Variants in ZNF600 observed in about 807,000 individuals in gnomAD.
ZNF600 encodes zinc finger protein 600, also known as zinc finger protein KR-ZNF1.
In ZNF600, 4 loss-of-function variants were observed where a neutral mutation model predicts 7.3. That is an observed-to-expected ratio of 0.55 (90% confidence interval 0.27 to 1.25). The LOEUF (loss-of-function observed/expected upper bound fraction) is 1.25, where lower values mean the gene tolerates loss of function less well. ZNF600 is among the 50% of genes most tolerant of loss of function. ZNF600 has a pLI of 0.12. For synonymous variants in ZNF600, 290 were observed against 308.9 expected, an observed-to-expected ratio of 0.94 and a Z score of 0.64; for missense variants, 911 against 922.1, an observed-to-expected ratio of 0.99 and a Z score of 0.16.
chr19:52,779,618 C>A (rs13346826), intron 1 of ZNF600, among the ~76,000 whole-genome samples: 5,135 of 152,286 alleles, frequency 0.034, 171 homozygotes, highest in African/African-American at 0.083. Flanking sequence ...CGAGCCCCAA[C>A]TCACTAAGCA....
chr19:52,816,071 T>C, the ZNF600 span, among the ~76,000 whole-genome samples: 1 of 146,898 alleles, frequency 6.8e-6, no homozygotes, highest in Non-Finnish European at 1.5e-5. Context: ...GAACTGACAA[T>C]AGTGGCTCGC....
chr19:52,801,069 G>A, the ZNF600 span: 1 of 1,614,124 alleles, frequency 6.2e-7, no homozygotes, highest in Non-Finnish European at 8.5e-7. Flanking sequence ...ACGATGGCAT[G>A]CAAGGTATCG....
chr19:52,810,878 CCCCTCCCCCTCCCCCTCCCCCT>C, the ZNF600 span, among the ~76,000 whole-genome samples: 939 of 18,542 alleles, frequency 0.051, 96 homozygotes, highest in African/African-American at 0.19. Context: ...CCTCCCCCTC[CCCCTCCCCCTCCCCCTCCCCCT>C]CCCTCTCCCT....
chr19:52,771,767 C>G (rs1200958494), intron 3 of ZNF600, among the ~76,000 whole-genome samples: 1 of 152,108 alleles, frequency 6.6e-6, no homozygotes, highest in Non-Finnish European at 1.5e-5. Context: ...CGTGAGCCAT[C>G]ACGCCCGTCC....
chr19:52,812,427 A>C, the ZNF600 span, among the ~76,000 whole-genome samples: 1 of 129,566 alleles, frequency 7.7e-6, no homozygotes, highest in Non-Finnish European at 1.6e-5. Context: ...ACTAAGAAAA[A>C]TACTTCTGCC....
chr19:52,810,624 A>T, the ZNF600 span: 6 of 1,432,576 alleles, frequency 4.2e-6, no homozygotes, highest in Non-Finnish European at 5.9e-6. Context: ...CCTGCTCTCC[A>T]TTCTACAGTG....
chr19:52,817,945 T>C, the ZNF600 span: 1 of 1,610,842 alleles, frequency 6.2e-7, no homozygotes, highest in Non-Finnish European at 8.5e-7. Flanking sequence ...CCATCTCACC[T>C]GAGGAAGAGC....
intron 1 of ZNF600, chr19:52,780,801 T>G (rs2062714405): frequency 6.6e-6 from 1 of 152,234 alleles, no homozygotes; most frequent in Non-Finnish European, 1.5e-5. Context: ...CATCTAAGTT[T>G]CTCTTTATAT....
chr19:52,801,085 G>C, the ZNF600 span: 3 of 1,614,028 alleles, frequency 1.9e-6, no homozygotes, highest in Non-Finnish European at 2.5e-6. Context: ...TATCGCTTCT[G>C]ATTAAATACC....
At chr19:52,794,444 G>A in the ZNF600 span, among the ~76,000 whole-genome samples, 1 of 152,238 alleles carries the variant, frequency 6.6e-6, no homozygotes, top group Non-Finnish European at 1.5e-5. Context: ...TTACGAGCAG[G>A]AGACACTTCA....
intron 1 of ZNF600, among the ~76,000 whole-genome samples, chr19:52,779,863 A>G (rs1041648448): frequency 2.0e-5 from 3 of 152,122 alleles, no homozygotes; most frequent in Non-Finnish European, 2.9e-5. Flanking sequence ...AACATGGTGA[A>G]ACCACATGTC....
At chr19:52,784,075 CA>C (rs372098238) in intron 1 of ZNF600, among the ~76,000 whole-genome samples, 20,135 of 150,976 alleles carry the variant, frequency 0.13, 1,538 homozygotes, top group Admixed American at 0.23. Context: ...AACTCCACCT[CA>C]AAAAAAAATA....
exon 4 of ZNF600, chr19:52,766,220 G>A: frequency 6.2e-7 from 1 of 1,613,446 alleles, no homozygotes; most frequent in Non-Finnish European, 8.5e-7. Flanking sequence ...GGCTTGCAAG[G>A]TATGACCTCA....
chr19:52,784,116 T>C (rs963039657), intron 1 of ZNF600, among the ~76,000 whole-genome samples: 3 of 152,106 alleles, frequency 2.0e-5, no homozygotes, highest in Non-Finnish European at 2.9e-5. Flanking sequence ...AGGCCCGGCA[T>C]GGCGGCTCAT....
At chr19:52,775,221 C>G (rs193218453) in intron 2 of ZNF600, among the ~76,000 whole-genome samples, 7 of 148,186 alleles carry the variant, frequency 4.7e-5, no homozygotes, top group African/African-American at 1.5e-4. Flanking sequence ...TCCTGGGCAA[C>G]AGACTGACAC....
the ZNF600 span, among the ~76,000 whole-genome samples, chr19:52,832,042 C>T: frequency 1.3e-5 from 2 of 149,904 alleles, no homozygotes; most frequent in African/African-American, 4.9e-5. Context: ...CTACATAAAC[C>T]ATGGGCTTAT....
chr19:52,804,454 T>TC, the ZNF600 span, among the ~76,000 whole-genome samples: 1 of 152,098 alleles, frequency 6.6e-6, no homozygotes, highest in African/African-American at 2.4e-5. Context: ...CACTGCAACC[T>TC]CCACCTCCTG....
At chr19:52,766,568 C>G (rs764707988) in exon 4 of ZNF600, 1 of 1,614,028 alleles carries the variant, frequency 6.2e-7, no homozygotes, top group Non-Finnish European at 8.5e-7. Context: ...GTGAATTCCA[C>G]GCAAAAGCCT....
the ZNF600 span, among the ~76,000 whole-genome samples, chr19:52,793,516 G>A: frequency 6.6e-6 from 1 of 152,144 alleles, no homozygotes; most frequent in African/African-American, 2.4e-5. Context: ...CCGTGTGGCT[G>A]GAGCAGTGGA....
Sources: gnomAD v4.1 joint callset for allele counts (sites outside exome capture counted in the v4.1 genomes callset) on GRCh38, gnomAD v4.1.1 for gene constraint, MANE v1.5 for transcripts, NCBI Gene and HGNC (gene_info 2026-07-23, HGNC 2026-07-21) for gene names.